Variants in ITPR1 observed in about 807,000 individuals in gnomAD.
ITPR1 encodes inositol 1,4,5-trisphosphate receptor type 1, also known as inositol 1,4,5-trisphosphate-gated calcium channel ITPR1.
Under a neutral mutation model 318.4 loss-of-function variants are expected in ITPR1, and 96 were observed. That is an observed-to-expected ratio of 0.30 (90% CI 0.26 to 0.36). ITPR1 has a LOEUF of 0.36. ITPR1 is among the 10% of genes least tolerant of loss of function. The probability of loss-of-function intolerance (pLI) is 1.00; values close to 1 mark genes in which losing one functional copy is unlikely to be tolerated. For synonymous variants in ITPR1, 1,312 were observed against 1,289.9 expected, an observed-to-expected ratio of 1.02 and a Z score of -0.37; for missense variants, 2,440 against 3,460.2, an observed-to-expected ratio of 0.71 and a Z score of 7.40.
chr3:4,566,892 C>G (rs539107982), intron 4 of ITPR1, among the ~76,000 whole-genome samples: 2 of 152,322 alleles, frequency 1.3e-5, no homozygotes, highest in East Asian at 1.9e-4. Context: ...CTTTTCCTCT[C>G]TCTTTCTCTG....
intron 56 of ITPR1, among the ~76,000 whole-genome samples, chr3:4,812,879 C>T (rs2049030958): frequency 6.6e-6 from 1 of 152,184 alleles, no homozygotes; most frequent in African/African-American, 2.4e-5. Flanking sequence ...CTAAGAGTTT[C>T]AGCTGTTTGT....
intron 23 of ITPR1, 60 bp from the exon 24 acceptor site, chr3:4,676,554 A>C: frequency 7.6e-7 from 1 of 1,320,802 alleles, no homozygotes; most frequent in Admixed American, 1.9e-5. Context: ...GCCCCTTGAC[A>C]TATGCCTCTG....
intron 12 of ITPR1, among the ~76,000 whole-genome samples, chr3:4,654,793 GTGT>G (rs1308402402): frequency 6.6e-6 from 1 of 152,224 alleles, no homozygotes; most frequent in Non-Finnish European, 1.5e-5. Context: ...TCCTTGGAAA[GTGT>G]TGTGAATTCT....
intron 4 of ITPR1, among the ~76,000 whole-genome samples, chr3:4,571,678 G>T (rs2088011058): frequency 6.6e-6 from 1 of 152,056 alleles, no homozygotes; most frequent in Admixed American, 6.6e-5. Context: ...CCCTTCTTTA[G>T]GCCTTCATCA....
At chr3:4,678,486 C>T (rs1243328186) in intron 24 of ITPR1, among the ~76,000 whole-genome samples, 4 of 152,126 alleles carry the variant, frequency 2.6e-5, no homozygotes, top group South Asian at 2.1e-4. Flanking sequence ...ATTCTTTCCA[C>T]GGGTACTTAT....
chr3:4,776,773 A>T (rs1229037237), intron 47 of ITPR1, among the ~76,000 whole-genome samples: 3 of 152,192 alleles, frequency 2.0e-5, no homozygotes, highest in Admixed American at 2.0e-4. Context: ...AACAGATCAG[A>T]GTGGATTGTG....
intron 4 of ITPR1, among the ~76,000 whole-genome samples, chr3:4,565,493 C>G (rs1001950089): frequency 1.3e-5 from 2 of 152,160 alleles, no homozygotes; most frequent in Non-Finnish European, 2.9e-5. Flanking sequence ...TTGTGAAGCA[C>G]TTTGAGGATG....
rs1575913515 is a variant in ITPR1, at chr3:4,652,112, C to G, written c.856-11C>G. On this transcript the variant is annotated splice_polypyrimidine_tract_variant and intron_variant, in intron 10 of 61. Transcript: ENST00000649015. ...TGACATTTCATTGACTCCTGTTGAT[C>G]ATTCTTGCAGGTGGTCCAGCATGAC... 1.2e-6 allele frequency: 2 copies of G among 1,602,638 alleles called. No homozygotes were observed. The highest frequency in any genetic ancestry group is 1.7e-6 in the Non-Finnish European group (2 of 1,172,366).
intron 42 of ITPR1, among the ~76,000 whole-genome samples, chr3:4,731,282 G>C (rs983265093): frequency 6.6e-6 from 1 of 152,182 alleles, no homozygotes; most frequent in Admixed American, 6.5e-5. Context: ...TACCAGTAAA[G>C]TTGTATCTTG....
At chr3:4,606,624 A>G (rs1559525281) in intron 4 of ITPR1, among the ~76,000 whole-genome samples, 1 of 152,150 alleles carries the variant, frequency 6.6e-6, no homozygotes, top group Non-Finnish European at 1.5e-5. Flanking sequence ...GAAAAGGAGC[A>G]GGTAGCGGAA....
intron 4 of ITPR1, among the ~76,000 whole-genome samples, chr3:4,539,819 C>T (rs780394397): frequency 6.6e-6 from 1 of 151,974 alleles, no homozygotes; most frequent in African/African-American, 2.4e-5. Flanking sequence ...CCTGTGCTGC[C>T]GAGGGACTCT....
chr3:4,609,284 T>G (rs1452210885), intron 4 of ITPR1, among the ~76,000 whole-genome samples: 1 of 151,468 alleles, frequency 6.6e-6, no homozygotes, highest in African/African-American at 2.4e-5. Flanking sequence ...GTCATTGTTC[T>G]TGGCAGATAT....
At chr3:4,794,946 G>A (rs1475847325) in intron 52 of ITPR1, 119 bp from the exon 53 acceptor site, 4 of 1,126,414 alleles carry the variant, frequency 3.6e-6, no homozygotes, top group Non-Finnish European at 4.9e-6. Context: ...TACTCTTGTG[G>A]TAAAAACCGG....
intron 10 of ITPR1, among the ~76,000 whole-genome samples, chr3:4,650,422 G>A (rs1352502635): frequency 2.0e-5 from 3 of 152,060 alleles, no homozygotes; most frequent in African/African-American, 7.2e-5. Flanking sequence ...TAGGTAGATA[G>A]TTTTTTACTT....
intron 35 of ITPR1, 57 bp from the exon 36 acceptor site, chr3:4,702,773 T>C (rs2094682908): frequency 6.4e-7 from 1 of 1,567,992 alleles, no homozygotes; most frequent in South Asian, 1.2e-5. Context: ...GATCGGATCA[T>C]CAGTAGTCTA....
At chr3:4,642,305 A>C (rs2093355713) in intron 7 of ITPR1, 54 bp downstream of exon 7, 1 of 1,379,996 alleles carries the variant, frequency 7.2e-7, no homozygotes, top group Non-Finnish European at 9.7e-7. Context: ...TCCAAGCATG[A>C]CTGTATATTA....
chr3:4,596,111 C>T (rs564042821), intron 4 of ITPR1: 5 of 152,124 alleles, frequency 3.3e-5, no homozygotes, highest in East Asian at 1.9e-4. Flanking sequence ...ATGCTCTTCT[C>T]AAAACTTCTC....
At chr3:4,639,227 C>T in intron 5 of ITPR1, 157 bp from the exon 6 acceptor site, 1 of 587,376 alleles carries the variant, frequency 1.7e-6, no homozygotes, top group Non-Finnish European at 3.0e-6. Flanking sequence ...GCTGTTTGAA[C>T]CCCTTGGCTC....
intron 4 of ITPR1, among the ~76,000 whole-genome samples, chr3:4,582,312 C>T (rs1445603285): frequency 6.6e-6 from 1 of 152,148 alleles, no homozygotes; most frequent in East Asian, 1.9e-4. Flanking sequence ...TGCCTAGAGG[C>T]CATGTTCCTA....
Sources: allele counts gnomAD v4.1 joint callset (sites outside exome capture counted in the v4.1 genomes callset), GRCh38; gene constraint gnomAD v4.1.1; transcripts MANE v1.5; gene names NCBI Gene and HGNC (gene_info 2026-07-23, HGNC 2026-07-21).